Variants in ELF3 observed in about 807,000 individuals in gnomAD.
ELF3 encodes the protein E74 like ETS transcription factor 3.
In ELF3, 18 loss-of-function variants were observed where a neutral mutation model predicts 43.9. That is an observed-to-expected ratio of 0.41 (90% CI 0.28 to 0.61). ELF3 has a LOEUF of 0.61. Among genes scored for constraint, ELF3 ranks in the 20% least tolerant of loss-of-function variants. ELF3 has a pLI of 0.30. For synonymous variants in ELF3, 181 were observed against 190.2 expected (o/e 0.95, Z 0.40); for missense variants, 373 against 487.7 (o/e 0.76, Z 2.21).
intron 8 of ELF3, 21 bp from the exon 9 acceptor site, chr1:202,015,188 A>T: frequency 1.2e-6 from 2 of 1,613,476 alleles, no homozygotes; most frequent in Non-Finnish European, 1.7e-6. Flanking sequence ...AGCACCTCTG[A>T]CCATCCTTCT....
In ELF3 at chr1:202,013,648, T is replaced by G; in HGVS notation, c.806-181T>G. The G allele has an allele frequency of 1.4e-6, 1 of 702,182 alleles. No homozygotes were observed. Among genetic ancestry groups the G allele is most frequent in the Admixed American group, 2.9e-5 (1 of 33,954 alleles). The allele number at this position is 702,182 out of a possible 1,614,324, so 43.5% of individuals were successfully genotyped here. On this transcript the variant is annotated intron_variant, in intron 7 of 8. Transcript: ENST00000367284. This position sits in a 1 kb window ranked among gnomAD's most constrained non-coding sequence, Gnocchi z 5.7. ...AATGTGAGGAGGCAGCTGGTGGGTC[T>G]TAGGTGGGCTGAGGAGAAAAGCAGT...
At position 202,011,983 on chromosome 1, in the gene ELF3, C is replaced by T; in HGVS notation, c.190C>T (p.Pro64Ser). The T allele has an allele frequency of 6.2e-7, 1 of 1,614,082 alleles. No homozygotes were observed. Among genetic ancestry groups the T allele is most frequent in the East Asian group, 2.2e-5 (1 of 44,884 alleles). ...GAAGGCCAGCTGGTTGGGGGAACAG[C>T]CCCAGTTCTGGTCGAAGACGCAGGT... ...TEKASWLGEQPQFWSKTQVLD... is the reference protein window; with the variant it reads ...TEKASWLGEQSQFWSKTQVLD... Residue 64 changes from proline to serine, a missense_variant, in exon 3 of 9, where the codon CCC (proline) becomes TCC (serine). Transcript: ENST00000367284.
At position 202,013,708 on chromosome 1, in the gene ELF3, C is replaced by A; in HGVS notation, c.806-121C>A. 1 of 1,134,170 alleles carries A rather than the reference C, an allele frequency of 8.8e-7. No homozygotes were observed. The highest frequency in any genetic ancestry group is 1.2e-6 in the Non-Finnish European group (1 of 805,878). 70.3% of individuals were successfully genotyped at this position (1,134,170 alleles called of 1,614,324 possible). ...ACCCGCACAGAGGGCACTGCGGGGT[C>A]TCTGGAGAGGCTTGCTGCATGCTGT... On this transcript the variant is annotated intron_variant, in intron 7 of 8. Coordinates refer to ENST00000367284, the MANE Select transcript of ELF3 (RefSeq NM_004433.5). This position sits in a 1 kb window ranked among gnomAD's most constrained non-coding sequence, Gnocchi z 5.7.
chr1:202,012,799 G>GGAGGA lies in ELF3; in HGVS notation c.598+40_598+41insGAGGA. ...TGGGCCACAACCTCCCTTCCCCGAA[G>GGAGGA]TGTCCCTTGTTCCCTCTGGCTCCCA... On this transcript the variant is annotated intron_variant, in intron 5 of 8. Transcript: ENST00000367284. The surrounding 1 kb of genome is among the most constrained non-coding windows in gnomAD (Gnocchi z 4.2). The GGAGGA allele has an allele frequency of 6.5e-7, 1 of 1,537,662 alleles. No individual in the cohort carries two copies.
rs923580373 is a variant in ELF3 at position 202,011,963 on chromosome 1, C to T, written c.170C>T (p.Ala57Val). ...CCCTGCCTGGCCCTTGCAGAGAAGG[C>T]CAGCTGGTTGGGGGAACAGCCCCAG... ...PQMSLEGTEK[A>V]SWLGEQPQFW... Residue 57 changes from alanine (A) to valine (V), a missense_variant, in exon 3 of 9, where the codon GCC becomes GTC. By Grantham distance (64) the Ala-to-Val change is moderately conservative. Coordinates refer to ENST00000367284, the MANE Select transcript of ELF3 (RefSeq NM_004433.5). 1.1e-5 allele frequency: 18 copies of T among 1,613,652 alleles called. No homozygotes were observed. The highest frequency in any genetic ancestry group is 1.5e-5 in the Non-Finnish European group (18 of 1,179,958).
chr1:202,013,630 G>A lies in ELF3; in HGVS notation c.806-199G>A. On this transcript the variant is annotated intron_variant, in intron 7 of 8. Coordinates refer to ENST00000367284, the MANE Select transcript of ELF3 (RefSeq NM_004433.5). The surrounding 1 kb of genome is among the most constrained non-coding windows in gnomAD (Gnocchi z 5.7). ...GCCCTCTGGGACACCCTCAATGTGA[G>A]GAGGCAGCTGGTGGGTCTTAGGTGG... 1 of 646,368 alleles carries A rather than the reference G, an allele frequency of 1.5e-6. No individual in the cohort carries two copies. Among genetic ancestry groups the A allele is most frequent in the Admixed American group, 3.0e-5 (1 of 33,742 alleles). 40.0% of individuals were successfully genotyped at this position (646,368 alleles called of 1,614,324 possible). A position where few individuals can be genotyped will look rare whatever the true frequency, so the allele number is the denominator to read the frequency against.
In ELF3 at chr1:202,012,847, G is replaced by A. The variant is rs1684236320; in HGVS notation, c.598+88G>A. 1.3e-6 allele frequency: 2 copies of A among 1,539,460 alleles called. No homozygotes were observed. The highest frequency in any genetic ancestry group is 1.4e-5 in the African/African-American group (1 of 72,834). ...CCAGCACCATAACTCAGGCCTTCTG[G>A]CAGGAACAGGAACAGGCTGGGAAGT... On this transcript the variant is annotated intron_variant, in intron 5 of 8. Transcript: ENST00000367284. This position sits in a 1 kb window ranked among gnomAD's most constrained non-coding sequence, Gnocchi z 4.2.
Position 202,015,337 on chromosome 1 carries a change from A to T in ELF3, c.*14A>T. The T allele has an allele frequency of 6.2e-7, 1 of 1,613,340 alleles. No individual in the cohort carries two copies. Among genetic ancestry groups the T allele is most frequent in the Non-Finnish European group, 8.5e-7 (1 of 1,179,682 alleles). On this transcript the variant is annotated 3_prime_UTR_variant, in exon 9 of 9. Coordinates refer to ENST00000367284, the MANE Select transcript of ELF3 (RefSeq NM_004433.5). ...AGTCGGAACTGAGGGTTGGAACTAT[A>T]CCCGGGACCAAACTCACGGACCACT...
At chr1:202,011,357 C>G (rs889400126) in intron 2 of ELF3, 58 bp downstream of exon 2, 94 of 1,490,252 alleles carry the variant, frequency 6.3e-5, no homozygotes, top group Non-Finnish European at 8.2e-5. Context: ...ATCTAAGGGC[C>G]TGTTAGACAA....
chr1:202,015,981 A>C lies in ELF3; in HGVS notation c.*658A>C, dbSNP rs1196997633. ...GTGAATGGAGGCAGAGACCTCCAAT[A>C]AAGTGCCTTCTGGGCTTTTTCTAAC... On this transcript the variant is annotated 3_prime_UTR_variant, in exon 9 of 9. Transcript: ENST00000367284. 3 of 152,294 alleles carry C rather than the reference A, an allele frequency of 2.0e-5. No homozygotes were observed. Among genetic ancestry groups the C allele is most frequent in the African/African-American group, 7.2e-5 (3 of 41,446 alleles). 9.4% of individuals were successfully genotyped at this position (152,294 alleles called of 1,614,324 possible). A position where few individuals can be genotyped will look rare whatever the true frequency, so the allele number is the denominator to read the frequency against.
Position 202,016,733 on chromosome 1 carries a change from T to C in ELF3, c.*1410T>C, listed in dbSNP as rs1684317053. On this transcript the variant is annotated 3_prime_UTR_variant, in exon 9 of 9. Coordinates refer to ENST00000367284, the MANE Select transcript of ELF3 (RefSeq NM_004433.5). ...GCGAATGATCCTGTCACCCAGGTAG[T>C]GAGTATAGCACCCAGTGAAACTGTA... 6.6e-6 allele frequency: 1 copy of C among 152,088 alleles called. No homozygotes were observed. 9.4% of individuals were successfully genotyped at this position (152,088 alleles called of 1,614,324 possible).
At chr1:202,015,182 C>T in intron 8 of ELF3, 27 bp from the exon 9 acceptor site, 3 of 1,613,094 alleles carry the variant, frequency 1.9e-6, no homozygotes, top group Non-Finnish European at 2.5e-6. Context: ...TGCCAAAGCA[C>T]CTCTGACCAT....
rs761157896 is a variant in ELF3 at position 202,012,048 on chromosome 1, C to T, written c.255C>T (p.Tyr85=). The change falls in exon 3 of 9, where the codon TAC becomes TAT. Residue 85 remains tyrosine, a synonymous_variant. Coordinates refer to ENST00000367284, the MANE Select transcript of ELF3 (RefSeq NM_004433.5). This position sits in a 1 kb window ranked among gnomAD's most constrained non-coding sequence, Gnocchi z 4.2. ...WISYQVEKNK[Y]DASAIDFSRC... ...GCTACCAAGTGGAGAAGAACAAGTA[C>T]GACGCAAGCGCCATTGACTTCTCAC... The T allele has an allele frequency of 3.2e-5, 52 of 1,614,100 alleles. No homozygotes were observed. The highest frequency in any genetic ancestry group is 5.3e-5 in the African/African-American group (4 of 74,930).
In ELF3 at chr1:202,013,671, A is replaced by G. The variant is rs1684257061; in HGVS notation, c.806-158A>G. The G allele has an allele frequency of 2.5e-6, 2 of 784,738 alleles. No individual in the cohort carries two copies. Among genetic ancestry groups the G allele is most frequent in the Non-Finnish European group, 2.0e-6 (1 of 493,876 alleles). 48.6% of individuals were successfully genotyped at this position (784,738 alleles called of 1,614,324 possible). ...TCTTAGGTGGGCTGAGGAGAAAAGC[A>G]GTCACTGCAGTACCCGCACAGAGGG... On this transcript the variant is annotated intron_variant, in intron 7 of 8. Coordinates refer to ENST00000367284, the MANE Select transcript of ELF3 (RefSeq NM_004433.5). The surrounding 1 kb of genome is among the most constrained non-coding windows in gnomAD (Gnocchi z 5.7).
rs1487954374 is a variant in ELF3, at chr1:202,015,162, G to C, written c.1002-47G>C. The C allele has an allele frequency of 3.7e-6, 6 of 1,603,012 alleles. No individual in the cohort carries two copies. In the South Asian group the frequency reaches 4.4e-5, roughly 12 times the overall value. ...CAGGTGGGCGGGCTGGCAGCCTGGG[G>C]CCCATTTCCTGCCAAAGCACCTCTG... On this transcript the variant is annotated intron_variant, in intron 8 of 8. Coordinates refer to ENST00000367284, the MANE Select transcript of ELF3 (RefSeq NM_004433.5).
intron 1 of ELF3, 88 bp from the exon 2 acceptor site, chr1:202,011,041 C>T (rs1684181036): frequency 2.7e-6 from 4 of 1,493,074 alleles, no homozygotes; most frequent in Non-Finnish European, 3.7e-6. Flanking sequence ...TACTCTTGCC[C>T]AGGGTTGGGC....
Position 202,015,610 on chromosome 1 carries a change from A to T in ELF3, c.*287A>T. ...GGTGCCTCCTCAAACCCAGTCTCAGACACTAAATGCAGACAACACCTTCCT... is the reference window on the plus strand; with the variant it reads ...GGTGCCTCCTCAAACCCAGTCTCAGTCACTAAATGCAGACAACACCTTCCT... On this transcript the variant is annotated 3_prime_UTR_variant, in exon 9 of 9. Transcript: ENST00000367284. 1 of 404,672 alleles carries T rather than the reference A, an allele frequency of 2.5e-6. No homozygotes were observed. The highest frequency in any genetic ancestry group is 4.7e-6 in the Non-Finnish European group (1 of 214,624). The allele number at this position is 404,672 out of a possible 1,614,324, so 25.1% of individuals were successfully genotyped here.
At position 202,013,227 on chromosome 1, in the gene ELF3, G is replaced by A. The variant is rs566904595; in HGVS notation, c.734G>A (p.Arg245Gln). The A allele has an allele frequency of 8.1e-6, 13 of 1,614,178 alleles. No homozygotes were observed. The highest frequency in any genetic ancestry group is 1.6e-4 in the Middle Eastern group (1 of 6,062). ...CKKGDPKHGK[R>Q]KRGRPRKLSK... Reference sequence around the variant, plus strand: ...AAGGGGGATCCCAAGCACGGGAAGCGGAAACGAGGCCGGCCCCGAAAGCTG... The same window carrying A: ...AAGGGGGATCCCAAGCACGGGAAGCAGAAACGAGGCCGGCCCCGAAAGCTG... Residue 245 changes from arginine (R) to glutamine (Q), a missense_variant, in exon 7 of 9, where the codon CGG becomes CAG. Physicochemically the swap from Arg to Gln is conservative, Grantham distance 43. Coordinates refer to ENST00000367284, the MANE Select transcript of ELF3 (RefSeq NM_004433.5). This position sits in a 1 kb window ranked among gnomAD's most constrained non-coding sequence, Gnocchi z 5.7.
chr1:202,014,544 C>T (rs1425074873), intron 8 of ELF3, among the ~76,000 whole-genome samples: 4 of 152,202 alleles, frequency 2.6e-5, no homozygotes, highest in East Asian at 1.9e-4. Context: ...TCTCCTGCCT[C>T]GGCCTCTCAA....
Sources: gnomAD v4.1 joint callset for allele counts (sites outside exome capture counted in the v4.1 genomes callset) on GRCh38, gnomAD v4.1.1 for gene constraint, Gnocchi (gnomAD v3.1) non-coding constraint, MANE v1.5 for transcripts, NCBI Gene and HGNC (gene_info 2026-07-23, HGNC 2026-07-21) for gene names.